Variants in IL7 observed in about 807,000 individuals in gnomAD.
IL7 encodes the protein interleukin-7.
Under a neutral mutation model 21.6 loss-of-function variants are expected in IL7, and 3 were observed. The observed-to-expected ratio is 0.14, with a 90% CI of 0.06 to 0.36. The LOEUF is 0.36. Among genes scored for constraint, IL7 ranks in the 10% least tolerant of loss-of-function variants. The pLI, the probability that IL7 is intolerant of heterozygous loss-of-function variation, is 1.00. For synonymous variants in IL7, 62 were observed against 68.1 expected, an observed-to-expected ratio of 0.91 and a Z score of 0.44; for missense variants, 175 against 200.2, an observed-to-expected ratio of 0.87 and a Z score of 0.76.
At chr8:78,724,017 C>A (rs1811295846) in intron 3 of IL7, 2 of 168,458 alleles carry the variant, frequency 1.2e-5, no homozygotes, top group East Asian at 1.8e-4. Flanking sequence ...CTGCTCAGAA[C>A]TGGCCAGCCC....
At position 78,805,062 on chromosome 8, in the gene IL7, T is replaced by C. The variant is rs1281662094; in HGVS notation, c.-140A>G. Reference sequence around the variant, plus strand: ...TGGGCAGGGTGATCTCTGCAGCTGGTTCCTCTTACCCACGCCGCGACTGCA... The same window carrying C: ...TGGGCAGGGTGATCTCTGCAGCTGGCTCCTCTTACCCACGCCGCGACTGCA... On this transcript the variant is annotated 5_prime_UTR_variant, in exon 1 of 6. Transcript: ENST00000263851. The C allele has an allele frequency of 8.2e-6, 7 of 857,386 alleles. No homozygotes were observed. The highest frequency in any genetic ancestry group is 1.3e-5 in the Non-Finnish European group (7 of 557,422). The allele number at this position is 857,386 out of a possible 1,614,324, so 53.1% of individuals were successfully genotyped here. A position where few individuals can be genotyped will look rare whatever the true frequency, so the allele number is the denominator to read the frequency against.
At chr8:78,778,818 T>C (rs970087690) in intron 2 of IL7, among the ~76,000 whole-genome samples, 5 of 152,228 alleles carry the variant, frequency 3.3e-5, no homozygotes, top group African/African-American at 1.2e-4. Flanking sequence ...GCATTGGATC[T>C]ATAAATTACT....
At chr8:78,794,036 A>G (rs1249573996) in intron 2 of IL7, among the ~76,000 whole-genome samples, 1 of 152,066 alleles carries the variant, frequency 6.6e-6, no homozygotes, top group Non-Finnish European at 1.5e-5. Context: ...TTCTCTTGCT[A>G]TTTCTACCAT....
At chr8:78,787,211 T>C (rs952174388) in intron 2 of IL7, among the ~76,000 whole-genome samples, 4 of 152,158 alleles carry the variant, frequency 2.6e-5, no homozygotes, top group Admixed American at 6.5e-5. Context: ...GTACAGCCAG[T>C]TGGTCAGAAG....
At chr8:78,786,286 A>G (rs1813507599) in intron 2 of IL7, among the ~76,000 whole-genome samples, 1 of 152,218 alleles carries the variant, frequency 6.6e-6, no homozygotes, top group Non-Finnish European at 1.5e-5. Flanking sequence ...TAAATAGATA[A>G]TAATAACACA....
chr8:78,713,081 A>T (rs1024789393), downstream of IL7, among the ~76,000 whole-genome samples: 1 of 152,194 alleles, frequency 6.6e-6, no homozygotes, highest in Non-Finnish European at 1.5e-5. Context: ...TCTCACAGTA[A>T]CAGTGACTAG....
At chr8:78,753,546 G>A (rs1004503281) in intron 2 of IL7, among the ~76,000 whole-genome samples, 3 of 152,136 alleles carry the variant, frequency 2.0e-5, no homozygotes, top group African/African-American at 7.2e-5. Context: ...TCTGATTATA[G>A]TTTCTTTTGC....
intron 4 of IL7, among the ~76,000 whole-genome samples, chr8:78,683,876 A>C (rs1809869061): frequency 6.6e-6 from 1 of 152,166 alleles, no homozygotes; most frequent in Non-Finnish European, 1.5e-5. Context: ...AAAGCCACAG[A>C]TCTCTATTGC....
At position 78,675,947 on chromosome 8, in the gene IL7, T is replaced by C. The variant is rs140492243; in HGVS notation, n.431A>G. On this transcript the variant is annotated non_coding_transcript_exon_variant, in exon 5 of 5. Coordinates refer to the IL7 transcript ENST00000523959. ...CTGGTCAATTCTCATGGGAAGAATTTACGTGGAATAGTTTTTGAAGAGTTA... is the reference window on the plus strand; with the variant it reads ...CTGGTCAATTCTCATGGGAAGAATTCACGTGGAATAGTTTTTGAAGAGTTA... 2,179 of 1,206,432 alleles carry C rather than the reference T, an allele frequency of 1.8e-3. 37 individuals carry two copies. In the African/African-American group the frequency reaches 0.029, roughly 16 times the overall value. 74.7% of individuals were successfully genotyped at this position (1,206,432 alleles called of 1,614,324 possible).
intron 2 of IL7, among the ~76,000 whole-genome samples, chr8:78,776,979 A>G (rs1813155883): frequency 6.6e-6 from 1 of 152,196 alleles, no homozygotes; most frequent in East Asian, 1.9e-4. Flanking sequence ...ATCTCTATAA[A>G]TGACATTCCT....
intron 3 of IL7, chr8:78,689,100 A>C: frequency 1.6e-6 from 1 of 612,324 alleles, no homozygotes; most frequent in Non-Finnish European, 2.4e-6. Context: ...AGGATATGGG[A>C]ATTTTTGCTT....
At chr8:78,753,737 A>C (rs1238278198) in intron 2 of IL7, among the ~76,000 whole-genome samples, 1 of 151,966 alleles carries the variant, frequency 6.6e-6, no homozygotes, top group Non-Finnish European at 1.5e-5. Flanking sequence ...ATCCATCTTG[A>C]GTTAATTTTT....
intron 2 of IL7, among the ~76,000 whole-genome samples, chr8:78,773,991 T>C (rs908181167): frequency 2.6e-5 from 4 of 152,130 alleles, no homozygotes; most frequent in African/African-American, 9.7e-5. Context: ...AAGCATTCTT[T>C]AGTTTGGAAC....
intron 3 of IL7, among the ~76,000 whole-genome samples, chr8:78,723,114 T>TATATATATATA (rs1563645665): frequency 2.0e-5 from 3 of 147,858 alleles, no homozygotes; most frequent in South Asian, 2.1e-4. Context: ...TATATATATA[T>TATATATATATA]TTAGAAGCCA....
At chr8:78,792,510 A>G (rs1482975952) in intron 2 of IL7, among the ~76,000 whole-genome samples, 5 of 152,168 alleles carry the variant, frequency 3.3e-5, no homozygotes, top group Admixed American at 2.6e-4. Context: ...GGAGGAAAAA[A>G]TATAATATCT....
At chr8:78,676,700 C>A (rs1345660853) in intron 4 of IL7, among the ~76,000 whole-genome samples, 1 of 151,956 alleles carries the variant, frequency 6.6e-6, no homozygotes. Flanking sequence ...ACTGTAGGCA[C>A]CTTTTAAATA....
At chr8:78,715,394 C>T (rs897851958), downstream of IL7, 9 of 1,410,186 alleles carry the variant, frequency 6.4e-6, no homozygotes, top group African/African-American at 1.3e-4. Context: ...TTCCAAGGAC[C>T]ATACACAAAA....
intron 2 of IL7, chr8:78,760,791 G>C: frequency 2.6e-6 from 4 of 1,531,932 alleles, no homozygotes; most frequent in Non-Finnish European, 3.5e-6. Context: ...TGAATATCAA[G>C]TTTGGTTGCC....
At chr8:78,760,628 T>C (rs1812521383) in intron 2 of IL7, 3 of 1,577,586 alleles carry the variant, frequency 1.9e-6, no homozygotes. Flanking sequence ...TTTAAGAGCT[T>C]TGAGGTGCTG....
Sources: allele counts gnomAD v4.1 joint callset (sites outside exome capture counted in the v4.1 genomes callset), GRCh38; gene constraint gnomAD v4.1.1; transcripts MANE v1.5; gene names NCBI Gene and HGNC (gene_info 2026-07-23, HGNC 2026-07-21).